CYP2C19: variants seen among roughly 807,000 people sequenced by gnomAD.
CYP2C19 encodes cytochrome P450 2C19.
Under a neutral mutation model 40.9 loss-of-function variants are expected in CYP2C19, and 59 were observed. That is an observed-to-expected ratio of 1.44 (90% CI 1.17 to 1.79). The LOEUF is 1.79. Among genes scored for constraint, CYP2C19 ranks in the 40% most tolerant of loss-of-function variants. The pLI is 0.00. For missense variants in CYP2C19, 754 were observed against 596.9 expected, an observed-to-expected ratio of 1.26 and a Z score of -2.74; for synonymous variants, 253 against 208.7, an observed-to-expected ratio of 1.21 and a Z score of -1.83.
chr10:94,852,456 G>A (rs1440726059), intron 8 of CYP2C19, among the ~76,000 whole-genome samples: 1 of 152,130 alleles, frequency 6.6e-6, no homozygotes, highest in Non-Finnish European at 1.5e-5. Context: ...ATAAACATTT[G>A]TTGAATACAT....
At chr10:94,803,488 A>G (rs1848793604) in intron 5 of CYP2C19, among the ~76,000 whole-genome samples, 1 of 152,084 alleles carries the variant, frequency 6.6e-6, no homozygotes, top group Admixed American at 6.6e-5. Context: ...TCCTCAGGCA[A>G]TCTGTTCATC....
chr10:94,808,475 G>A (rs1404470118), intron 5 of CYP2C19, among the ~76,000 whole-genome samples: 1 of 152,008 alleles, frequency 6.6e-6, no homozygotes, highest in Non-Finnish European at 1.5e-5. Flanking sequence ...ATGTATGATT[G>A]ACTAATTATT....
intron 6 of CYP2C19, among the ~76,000 whole-genome samples, chr10:94,825,072 T>C (rs1223693195): frequency 8.4e-6 from 1 of 118,530 alleles, no homozygotes; most frequent in East Asian, 2.2e-4. Context: ...GACATTTGGG[T>C]TGGTTCCAAG....
At chr10:94,808,568 C>A (rs1848868515) in intron 5 of CYP2C19, among the ~76,000 whole-genome samples, 1 of 152,138 alleles carries the variant, frequency 6.6e-6, no homozygotes, top group African/African-American at 2.4e-5. Flanking sequence ...AGAATTTCCA[C>A]TCCCCTTCAC....
At chr10:94,831,925 A>G (rs961672071) in intron 6 of CYP2C19, among the ~76,000 whole-genome samples, 1 of 152,068 alleles carries the variant, frequency 6.6e-6, no homozygotes, top group Non-Finnish European at 1.5e-5. Context: ...CCATTTGTCC[A>G]TGTTTGCTTT....
rs1031048464 is a variant in CYP2C19 at position 94,839,131 on chromosome 10, G to A, written c.962-3706G>A. 1.1e-4 allele frequency among the ~76,000 whole-genome samples: 16 copies of A among 152,220 alleles called. 1 individual carries two copies. The East Asian group carries it at 2.9e-3, about 28-fold the overall frequency. On this transcript the variant is annotated intron_variant, in intron 6 of 8. Coordinates refer to ENST00000371321, the MANE Select transcript of CYP2C19 (RefSeq NM_000769.4). ...TGGTCCTAATGCTTATTCCTTTCCAGGGTGCATAACCACCCATGGACCTCT... is the reference window on the plus strand; with the variant it reads ...TGGTCCTAATGCTTATTCCTTTCCAAGGTGCATAACCACCCATGGACCTCT...
At chr10:94,840,809 A>T (rs562741444) in intron 6 of CYP2C19, among the ~76,000 whole-genome samples, 2 of 152,030 alleles carry the variant, frequency 1.3e-5, no homozygotes, top group African/African-American at 4.8e-5. Flanking sequence ...CATTCCCAAT[A>T]GAAGGGTTGG....
chr10:94,834,311 T>C (rs953630207), intron 6 of CYP2C19, among the ~76,000 whole-genome samples: 1 of 152,174 alleles, frequency 6.6e-6, no homozygotes, highest in East Asian at 1.9e-4. Context: ...TAACCACTAA[T>C]TATTCTTTGA....
intron 5 of CYP2C19, among the ~76,000 whole-genome samples, chr10:94,791,907 TTC>T (rs1848610132): frequency 6.6e-6 from 1 of 152,090 alleles, no homozygotes; most frequent in African/African-American, 2.4e-5. Context: ...CTGAGTTCAA[TTC>T]CTGGATATCC....
chr10:94,801,936 G>A (rs1254970124), intron 5 of CYP2C19, among the ~76,000 whole-genome samples: 4 of 152,202 alleles, frequency 2.6e-5, no homozygotes, highest in African/African-American at 4.8e-5. Flanking sequence ...GACCAAAAAA[G>A]TGAGTAGCAG....
intron 5 of CYP2C19, among the ~76,000 whole-genome samples, chr10:94,816,663 G>T (rs1849008108): frequency 6.7e-6 from 1 of 149,722 alleles, no homozygotes; most frequent in Non-Finnish European, 1.5e-5. Context: ...GTGCCATCCT[G>T]GTGCGCTGCA....
chr10:94,832,036 G>A (rs1166837727), intron 6 of CYP2C19, among the ~76,000 whole-genome samples: 1 of 152,070 alleles, frequency 6.6e-6, no homozygotes, highest in Non-Finnish European at 1.5e-5. Context: ...CACAGTTTGA[G>A]GTCTCATACT....
At chr10:94,827,058 G>T (rs1188727199) in intron 6 of CYP2C19, among the ~76,000 whole-genome samples, 1 of 152,016 alleles carries the variant, frequency 6.6e-6, no homozygotes, top group Non-Finnish European at 1.5e-5. Flanking sequence ...GCTGGATTCG[G>T]TTTGCCAGTA....
In CYP2C19 at chr10:94,842,934, C is replaced by A; in HGVS notation, c.1059C>A (p.His353Gln). The A allele has an allele frequency of 6.2e-7, 1 of 1,614,170 alleles. No individual in the cohort carries two copies. Among genetic ancestry groups the A allele is most frequent in the East Asian group, 2.2e-5 (1 of 44,882 alleles). The change falls in exon 7 of 9, where the codon CAC becomes CAA. Residue 353 changes from histidine (H) to glutamine (Q), a missense_variant. By Grantham distance (24) the His-to-Gln change is conservative (BLOSUM62 0). Coordinates refer to ENST00000371321, the MANE Select transcript of CYP2C19 (RefSeq NM_000769.4). The part of the protein sequence containing the change: ...GHMPYTDAVV[H>Q]EVQRYIDLIP... ...TGCCCTACACAGATGCTGTGGTGCA[C>A]GAGGTCCAGAGATACATCGACCTCA...
At chr10:94,841,035 C>T (rs1350838563) in intron 6 of CYP2C19, among the ~76,000 whole-genome samples, 1 of 152,218 alleles carries the variant, frequency 6.6e-6, no homozygotes, top group Non-Finnish European at 1.5e-5. Context: ...GCTCACAGAG[C>T]TCCCAAGATG....
intron 7 of CYP2C19, among the ~76,000 whole-genome samples, chr10:94,844,146 C>T (rs577132533): frequency 6.6e-6 from 1 of 152,126 alleles, no homozygotes; most frequent in African/African-American, 2.4e-5. Flanking sequence ...TAATGTGAGT[C>T]TGTTTTTACT....
intron 1 of CYP2C19, among the ~76,000 whole-genome samples, chr10:94,770,904 C>T (rs767464120): frequency 1.4e-4 from 22 of 152,104 alleles, no homozygotes; most frequent in Non-Finnish European, 2.9e-4. Flanking sequence ...GGAATTTGTC[C>T]CTTTCTTCAG....
chr10:94,786,170 G>A (rs988728693), intron 5 of CYP2C19, among the ~76,000 whole-genome samples: 2 of 151,936 alleles, frequency 1.3e-5, no homozygotes, highest in African/African-American at 4.8e-5. Context: ...TTTTCCTGGG[G>A]TACGATGACA....
intron 5 of CYP2C19, among the ~76,000 whole-genome samples, chr10:94,795,406 A>G (rs975008885): frequency 6.6e-6 from 1 of 151,934 alleles, no homozygotes; most frequent in Non-Finnish European, 1.5e-5. Context: ...TCTATCATTG[A>G]TGGACATTTG....
Sources: gnomAD v4.1 joint callset for allele counts (sites outside exome capture counted in the v4.1 genomes callset) on GRCh38, gnomAD v4.1.1 for gene constraint, MANE v1.5 for transcripts, NCBI Gene and HGNC (gene_info 2026-07-23, HGNC 2026-07-21) for gene names.